The following ADAMTS9 variants were observed in gnomAD, a reference collection of about 807,000 sequenced individuals.
The protein encoded by ADAMTS9 is A disintegrin and metalloproteinase with thrombospondin motifs 9.
Under a neutral mutation model 257.1 loss-of-function variants are expected in ADAMTS9, and 107 were observed. The ratio of observed to expected loss-of-function variants is 0.42; its 90% CI spans 0.36 to 0.49. The LOEUF (loss-of-function observed/expected upper bound fraction) is 0.49. Ranked by LOEUF, ADAMTS9 falls within the 20% of genes least tolerant of loss-of-function variation. The pLI, the probability that ADAMTS9 is intolerant of heterozygous loss-of-function variation, is 0.03. For missense variants in ADAMTS9, 2,353 were observed against 2,469.1 expected (o/e 0.95, Z 1.00); for synonymous variants, 982 against 880.9 (o/e 1.11, Z -2.03).
intron 26 of ADAMTS9, among the ~76,000 whole-genome samples, chr3:64,599,560 C>T (rs975503365): frequency 6.6e-6 from 1 of 152,186 alleles, no homozygotes; most frequent in African/African-American, 2.4e-5. Flanking sequence ...CAGATGCCAT[C>T]TTCATCTATC....
chr3:64,622,684 A>T (rs1700138241), intron 16 of ADAMTS9, 98 bp from the exon 17 acceptor site: 3 of 1,347,652 alleles, frequency 2.2e-6, no homozygotes, highest in Non-Finnish European at 3.1e-6. Flanking sequence ...GTCGCTGTGC[A>T]CGGAATGGGG....
At chr3:64,607,187 G>C in intron 22 of ADAMTS9, 108 bp from the exon 23 acceptor site, 14 of 1,449,826 alleles carry the variant, frequency 9.7e-6, no homozygotes, top group Non-Finnish European at 1.3e-5. Context: ...CAGTAGGCCA[G>C]AGGGCTGGCG....
intron 28 of ADAMTS9, chr3:64,589,159 G>C (rs368786670): frequency 6.6e-6 from 1 of 152,286 alleles, no homozygotes; most frequent in African/African-American, 2.4e-5. Flanking sequence ...TCTGTAAAAT[G>C]AAAGAGAGGA....
At chr3:64,540,213 A>G (rs1250060567) in intron 36 of ADAMTS9, among the ~76,000 whole-genome samples, 1 of 152,224 alleles carries the variant, frequency 6.6e-6, no homozygotes, top group Non-Finnish European at 1.5e-5. Flanking sequence ...TTTACCCCTC[A>G]TCATTCTAGC....
chr3:64,523,497 G>A (rs1429774306), intron 38 of ADAMTS9, among the ~76,000 whole-genome samples: 1 of 152,204 alleles, frequency 6.6e-6, no homozygotes, highest in African/African-American at 2.4e-5. Flanking sequence ...CAGAACAACT[G>A]AAGTGGAATC....
intron 29 of ADAMTS9, among the ~76,000 whole-genome samples, chr3:64,567,086 C>G (rs183582960): frequency 3.7e-4 from 57 of 152,250 alleles, no homozygotes; most frequent in Non-Finnish European, 4.4e-4. Context: ...GGCCACTGCC[C>G]TGAGGAATGA....
At position 64,686,662 on chromosome 3, in the gene ADAMTS9, G is replaced by T. The variant is rs746670316; in HGVS notation, c.422C>A (p.Ser141Tyr). 1.3e-5 allele frequency: 21 copies of T among 1,614,062 alleles called. No individual in the cohort carries two copies. The Admixed American group carries it at 2.0e-4, about 15-fold the overall frequency. The change falls in exon 2 of 40, where the codon TCC becomes TAC. Residue 141 changes from serine to tyrosine, a missense_variant. Ser to Tyr is a moderately radical substitution (Grantham distance 144). Around this residue, in one of 3 missense-constraint regions of ADAMTS9, gnomAD observed 591 missense variants for 569.6 expected, o/e 1.04. Transcript: ENST00000498707. This position sits in a 1 kb window ranked among gnomAD's most constrained non-coding sequence, Gnocchi z 4.6. ...GTGCTTGAGTTCCGCTTCCTCTTCG[G>T]AATAAAACTTGGTCTGATTCACCCC... is the stretch of plus-strand genomic sequence containing the variant. ...TPGVNQTKFY[S>Y]EEEAELKHCF...
At chr3:64,592,028 C>A (rs909771346) in intron 28 of ADAMTS9, among the ~76,000 whole-genome samples, 1 of 152,062 alleles carries the variant, frequency 6.6e-6, no homozygotes, top group Non-Finnish European at 1.5e-5. Flanking sequence ...AGATATTATA[C>A]CAAAGCATCC....
At chr3:64,602,320 A>G (rs2084478758) in intron 25 of ADAMTS9, 107 bp from the exon 26 acceptor site, 2 of 1,365,466 alleles carry the variant, frequency 1.5e-6, no homozygotes. Context: ...CAAATTGCTC[A>G]GGCCAAAAAC....
intron 22 of ADAMTS9, among the ~76,000 whole-genome samples, chr3:64,611,839 C>T (rs2084670550): frequency 6.6e-6 from 1 of 152,116 alleles, no homozygotes; most frequent in Admixed American, 6.5e-5. Context: ...TTAATGTATA[C>T]AAGGTTTCCT....
At chr3:64,539,136 A>T in intron 37 of ADAMTS9, 67 bp downstream of exon 37, 2 of 1,458,518 alleles carry the variant, frequency 1.4e-6, no homozygotes, top group Non-Finnish European at 1.9e-6. Context: ...AACAGATGCA[A>T]CTGAGGATGT....
At chr3:64,642,783 C>A (rs553364883) in intron 11 of ADAMTS9, among the ~76,000 whole-genome samples, 16 of 152,104 alleles carry the variant, frequency 1.1e-4, no homozygotes, top group African/African-American at 3.6e-4. Context: ...TGACGCCCCG[C>A]GGCTCGCTCA....
chr3:64,599,169 T>C (rs753053739), intron 26 of ADAMTS9, among the ~76,000 whole-genome samples: 1 of 152,144 alleles, frequency 6.6e-6, no homozygotes, highest in Non-Finnish European at 1.5e-5. Flanking sequence ...CTGAGCCTGC[T>C]TGGGTCTTTA....
At chr3:64,670,421 A>G (rs144407322) in intron 3 of ADAMTS9, among the ~76,000 whole-genome samples, 146 of 152,284 alleles carry the variant, frequency 9.6e-4, no homozygotes, top group African/African-American at 3.4e-3. Context: ...CACCTCTCCT[A>G]TTCCATTTTT....
Position 64,631,544 on chromosome 3 carries a change from T to C in ADAMTS9, c.2300A>G (p.Asn767Ser), listed in dbSNP as rs199649259. The C allele has an allele frequency of 3.7e-6, 6 of 1,613,718 alleles. No homozygotes were observed. Among genetic ancestry groups the C allele is most frequent in the Non-Finnish European group, 4.2e-6 (5 of 1,179,602 alleles). The change falls in exon 16 of 40, where the codon AAT (asparagine) becomes AGT (serine). Residue 767 changes from asparagine to serine, a missense_variant. This residue lies in a region of ADAMTS9 where 360 missense variants were observed against 458.1 expected (regional missense o/e 0.79). Coordinates refer to ENST00000498707, the MANE Select transcript of ADAMTS9 (RefSeq NM_182920.2). The part of the protein sequence containing the change: ...GTFNTVHYGY[N>S]TVVRIPAGAT... ...ACCAGCTGGAATTCGGACCACAGTA[T>C]TGTAACCTGAAAAGAATTTAGCAGA...
At chr3:64,557,095 T>TG (rs2083348267) in intron 30 of ADAMTS9, among the ~76,000 whole-genome samples, 1 of 151,886 alleles carries the variant, frequency 6.6e-6, no homozygotes, top group East Asian at 1.9e-4. Flanking sequence ...TTTAGTGGGG[T>TG]GGTGTGATTG....
intron 30 of ADAMTS9, among the ~76,000 whole-genome samples, chr3:64,554,854 G>A (rs1176661158): frequency 6.6e-6 from 1 of 152,102 alleles, no homozygotes; most frequent in African/African-American, 2.4e-5. Flanking sequence ...AAACCCTGAA[G>A]GTGGTATTTT....
At chr3:64,669,575 T>C (rs978671181) in intron 3 of ADAMTS9, among the ~76,000 whole-genome samples, 1 of 152,220 alleles carries the variant, frequency 6.6e-6, no homozygotes, top group Non-Finnish European at 1.5e-5. Flanking sequence ...TGAATTCTTA[T>C]ATTTTATAAG....
chr3:64,615,141 T>G lies in ADAMTS9; in HGVS notation c.3189+180A>C, dbSNP rs2084737383. 6 of 688,638 alleles carry G rather than the reference T, an allele frequency of 8.7e-6. No homozygotes were observed. The Admixed American group carries it at 1.2e-4, about 14-fold the overall frequency. The allele number at this position is 688,638 out of a possible 1,614,324, so 42.7% of individuals were successfully genotyped here. ...TGCCCTGAGGTCACTGGTAGACTAG[T>G]TACATCCAGTACGACAGTCATGGTG... On this transcript the variant is annotated intron_variant, in intron 21 of 39. Coordinates refer to ENST00000498707, the MANE Select transcript of ADAMTS9 (RefSeq NM_182920.2).
Sources: allele counts gnomAD v4.1 joint callset (sites outside exome capture counted in the v4.1 genomes callset), GRCh38; gene constraint gnomAD v4.1.1; regional missense constraint gnomAD v4.1.1; non-coding constraint Gnocchi (gnomAD v3.1); transcripts MANE v1.5; gene names NCBI Gene and HGNC (gene_info 2026-07-23, HGNC 2026-07-21).